The following KLB variants were observed in gnomAD, a reference collection of about 807,000 sequenced individuals.
The protein encoded by KLB is beta-klotho.
Under a neutral mutation model 88.4 loss-of-function variants are expected in KLB, and 44 were observed. The ratio of observed to expected loss-of-function variants is 0.50; its 90% CI spans 0.39 to 0.64. The LOEUF (loss-of-function observed/expected upper bound fraction) is 0.64. Among genes scored for constraint, KLB ranks in the 30% least tolerant of loss-of-function variants. KLB has a pLI of 0.00. For synonymous variants in KLB, 548 were observed against 513.4 expected, an observed-to-expected ratio of 1.07 and a Z score of -0.91; for missense variants, 1,137 against 1,304.8, an observed-to-expected ratio of 0.87 and a Z score of 1.98.
intron 1 of KLB, among the ~76,000 whole-genome samples, chr4:39,420,964 T>C (rs1743070677): frequency 1.3e-5 from 2 of 152,254 alleles, no homozygotes; most frequent in African/African-American, 4.8e-5. Flanking sequence ...ATTTGTTCAA[T>C]GTTCAAATTT....
rs1475806273 is a variant in KLB at position 39,407,497 on chromosome 4, T to C, written c.548T>C (p.Val183Ala). The C allele has an allele frequency of 3.7e-6, 6 of 1,614,234 alleles. No homozygotes were observed. The highest frequency in any genetic ancestry group is 5.1e-6 in the Non-Finnish European group (6 of 1,180,036). The change falls in exon 1 of 5, where the codon GTG (valine) becomes GCG (alanine). Residue 183 changes from valine to alanine, a missense_variant. Around this residue, in one of 4 missense-constraint regions of KLB, gnomAD observed 597 missense variants for 765.2 expected, o/e 0.78. Transcript: ENST00000257408. ...QYYSTLLDAL[V>A]LRNIEPIVTL... ...TACAGTACTCTTCTGGACGCTCTAG[T>C]GCTTAGAAACATTGAACCTATAGTT...
chr4:39,447,026 T>A lies in KLB; in HGVS notation c.2300T>A (p.Phe767Tyr), dbSNP rs566226497. The change falls in exon 4 of 5, where the codon TTC becomes TAC. Residue 767 changes from phenylalanine to tyrosine, a missense_variant. By Grantham distance (22) the Phe-to-Tyr change is conservative. Transcript: ENST00000257408. Reference sequence around the variant, plus strand: ...AGGGCGGCCGAGCGCTTCCTGCAGTTCGAGATCGCCTGGTTCGCCGAGCCG... The same window carrying A: ...AGGGCGGCCGAGCGCTTCCTGCAGTACGAGATCGCCTGGTTCGCCGAGCCG... ...HWRAAERFLQ[F>Y]EIAWFAEPLF... 1 of 1,611,492 alleles carries A rather than the reference T, an allele frequency of 6.2e-7. No individual in the cohort carries two copies. The highest frequency in any genetic ancestry group is 1.1e-5 in the South Asian group (1 of 91,076).
chr4:39,447,226 G>C lies in KLB; in HGVS notation c.2500G>C (p.Glu834Gln), dbSNP rs758838096. Residue 834 changes from glutamate to glutamine, a missense_variant, in exon 4 of 5, where the codon GAG becomes CAG. By Grantham distance (29) the Glu-to-Gln change is conservative (BLOSUM62 2). Around this residue, in one of 4 missense-constraint regions of KLB, gnomAD observed 426 missense variants for 404.6 expected, o/e 1.05. Coordinates refer to ENST00000257408, the MANE Select transcript of KLB (RefSeq NM_175737.4). ...CTTCACCACTAGGTTCGTGATGCAC[G>C]AGCAGCTGGCCGGCAGCCGCTACGA... is the stretch of plus-strand genomic sequence containing the variant. The part of the protein sequence containing the change: ...NHFTTRFVMH[E>Q]QLAGSRYDSD... 4 of 1,613,954 alleles carry C rather than the reference G, an allele frequency of 2.5e-6. No individual in the cohort carries two copies. Among genetic ancestry groups the C allele is most frequent in the African/African-American group, 1.3e-5 (1 of 74,946 alleles).
chr4:39,446,899 C>T lies in KLB; in HGVS notation c.2173C>T (p.Leu725Phe). 1 of 1,606,820 alleles carries T rather than the reference C, an allele frequency of 6.2e-7. No individual in the cohort carries two copies. Among genetic ancestry groups the T allele is most frequent in the Non-Finnish European group, 8.5e-7 (1 of 1,179,382 alleles). The change falls in exon 4 of 5, where the codon CTC (leucine) becomes TTC (phenylalanine). Residue 725 changes from leucine (L) to phenylalanine (F), a missense_variant. Around this residue, in one of 4 missense-constraint regions of KLB, gnomAD observed 426 missense variants for 404.6 expected, o/e 1.05. Coordinates refer to ENST00000257408, the MANE Select transcript of KLB (RefSeq NM_175737.4). This position sits in a 1 kb window ranked among gnomAD's most constrained non-coding sequence, Gnocchi z 6.4. ...GGTGGCCCACGCCCTGGCCTGGCGC[C>T]TCTACGACCGGCAGTTCAGGCCCTC... Reference protein sequence around the residue: ...LLVAHALAWRLYDRQFRPSQR... With the variant: ...LLVAHALAWRFYDRQFRPSQR...
intron 1 of KLB, among the ~76,000 whole-genome samples, chr4:39,411,142 C>T (rs1437128557): frequency 6.6e-6 from 1 of 152,034 alleles, no homozygotes; most frequent in Admixed American, 6.6e-5. Context: ...CAACCTCCGC[C>T]TCCCGGGTTC....
At chr4:39,417,665 C>A (rs897714639) in intron 1 of KLB, among the ~76,000 whole-genome samples, 2 of 152,138 alleles carry the variant, frequency 1.3e-5, no homozygotes, top group African/African-American at 4.8e-5. Flanking sequence ...AGGACTGAGA[C>A]AATTATTACA....
chr4:39,430,392 G>A (rs1259199648), intron 1 of KLB, among the ~76,000 whole-genome samples: 1 of 75,748 alleles, frequency 1.3e-5, no homozygotes, highest in African/African-American at 4.5e-5. Context: ...ATTTATGACT[G>A]CTTTTGTTTC....
At chr4:39,431,401 G>A (rs914132653) in intron 1 of KLB, among the ~76,000 whole-genome samples, 14 of 152,080 alleles carry the variant, frequency 9.2e-5, no homozygotes, top group Admixed American at 2.6e-4. Context: ...ATAGGCATGC[G>A]CCACCACGAC....
intron 1 of KLB, among the ~76,000 whole-genome samples, chr4:39,428,428 CAAAA>C (rs35029761): frequency 2.2e-5 from 3 of 136,222 alleles, no homozygotes; most frequent in Admixed American, 7.2e-5. Context: ...AACTACGTCT[CAAAA>C]AAAAAAAAAA....
At chr4:39,445,162 C>T (rs1230795584) in intron 3 of KLB, among the ~76,000 whole-genome samples, 2 of 152,100 alleles carry the variant, frequency 1.3e-5, no homozygotes, top group Admixed American at 6.6e-5. Context: ...GTTTGTATAG[C>T]GCTTTAGAGT....
intron 1 of KLB, among the ~76,000 whole-genome samples, chr4:39,430,509 G>T (rs1461734522): frequency 6.6e-6 from 1 of 151,406 alleles, no homozygotes; most frequent in East Asian, 1.9e-4. Flanking sequence ...GTCTGTCCCA[G>T]GCCCCTCTGA....
chr4:39,410,131 A>G (rs1742807816), intron 1 of KLB, among the ~76,000 whole-genome samples: 1 of 152,228 alleles, frequency 6.6e-6, no homozygotes, highest in African/African-American at 2.4e-5. Context: ...AATATTCTAA[A>G]TTGTTGAAAA....
intron 1 of KLB, among the ~76,000 whole-genome samples, chr4:39,431,546 C>T (rs1448030297): frequency 1.3e-5 from 2 of 152,112 alleles, no homozygotes; most frequent in Admixed American, 6.6e-5. Context: ...CCACCATGCC[C>T]GGCCCGAGGA....
intron 3 of KLB, among the ~76,000 whole-genome samples, chr4:39,440,728 T>C (rs1743580724): frequency 1.3e-5 from 2 of 152,048 alleles, no homozygotes; most frequent in Non-Finnish European, 2.9e-5. Flanking sequence ...CAGCTGATTT[T>C]TTGTATTTTA....
chr4:39,407,010 G>A lies in KLB; in HGVS notation c.61G>A (p.Glu21Lys). 1 of 1,614,156 alleles carries A rather than the reference G, an allele frequency of 6.2e-7. No individual in the cohort carries two copies. Among genetic ancestry groups the A allele is most frequent in the Non-Finnish European group, 8.5e-7 (1 of 1,180,022 alleles). Residue 21 changes from glutamate to lysine, a missense_variant, in exon 1 of 5, where the codon GAA (glutamate) becomes AAA (lysine). Physicochemically the swap from Glu to Lys is moderately conservative, Grantham distance 56. Coordinates refer to ENST00000257408, the MANE Select transcript of KLB (RefSeq NM_175737.4). ...GNEWIFFSTD[E>K]ITTRYRNTMS... is the part of the protein sequence containing the mutation. ...TGAATGGATTTTCTTCAGCACTGAT[G>A]AAATAACCACACGCTATAGGAATAC...
At chr4:39,408,535 G>A (rs528918745) in intron 1 of KLB, among the ~76,000 whole-genome samples, 6 of 152,228 alleles carry the variant, frequency 3.9e-5, no homozygotes, top group African/African-American at 7.2e-5. Context: ...TACATGCATC[G>A]TTACAGTTGA....
At chr4:39,423,348 G>A (rs1743130126) in intron 1 of KLB, among the ~76,000 whole-genome samples, 1 of 151,802 alleles carries the variant, frequency 6.6e-6, no homozygotes, top group Admixed American at 6.6e-5. Flanking sequence ...GAATTCCAAA[G>A]GTATATAGAT....
In KLB at chr4:39,447,256, G is replaced by A. The variant is rs1743774738; in HGVS notation, c.2530G>A (p.Asp844Asn). Residue 844 changes from aspartate (D) to asparagine (N), a missense_variant, in exon 4 of 5, where the codon GAC (aspartate) becomes AAC (asparagine). Physicochemically the swap from Asp to Asn is conservative, Grantham distance 23 (BLOSUM62 1). Around this residue, in one of 4 missense-constraint regions of KLB, gnomAD observed 426 missense variants for 404.6 expected, o/e 1.05. Transcript: ENST00000257408. ...EQLAGSRYDS[D>N]RDIQFLQDIT... ...GCTGGCCGGCAGCCGCTACGACTCG[G>A]ACAGGGACATCCAGTTTCTGCAGGA... is the stretch of plus-strand genomic sequence containing the variant. 2 of 1,614,134 alleles carry A rather than the reference G, an allele frequency of 1.2e-6. No homozygotes were observed. The highest frequency in any genetic ancestry group is 1.7e-6 in the Non-Finnish European group (2 of 1,180,018).
intron 1 of KLB, among the ~76,000 whole-genome samples, chr4:39,421,192 T>C (rs993062965): frequency 6.6e-6 from 1 of 152,222 alleles, no homozygotes; most frequent in Non-Finnish European, 1.5e-5. Flanking sequence ...TTACAGTGCC[T>C]TGTATTTGTT....
Sources: allele counts gnomAD v4.1 joint callset (sites outside exome capture counted in the v4.1 genomes callset), GRCh38; gene constraint gnomAD v4.1.1; regional missense constraint gnomAD v4.1.1; non-coding constraint Gnocchi (gnomAD v3.1); transcripts MANE v1.5; gene names NCBI Gene and HGNC (gene_info 2026-07-23, HGNC 2026-07-21).